Variants in TUT4 observed in about 807,000 individuals in gnomAD.
TUT4 encodes terminal uridylyl transferase 4.
In TUT4, 36 loss-of-function variants were observed where a neutral mutation model predicts 192.2. The ratio of observed to expected loss-of-function variants is 0.19; its 90% CI spans 0.14 to 0.25. The LOEUF (loss-of-function observed/expected upper bound fraction) is 0.25. Among genes scored for constraint, TUT4 ranks in the 10% least tolerant of loss-of-function variants. TUT4 has a pLI of 1.00. For missense variants in TUT4, 1,493 were observed against 1,957.2 expected (o/e 0.76, Z 4.47); for synonymous variants, 618 against 666.0 (o/e 0.93, Z 1.11).
intron 7 of TUT4, among the ~76,000 whole-genome samples, chr1:52,493,235 C>T (rs1671630410): frequency 6.6e-6 from 1 of 152,102 alleles, no homozygotes; most frequent in African/African-American, 2.4e-5. Context: ...AGGTACGTGC[C>T]ACCACGCCTG....
At chr1:52,484,353 G>A (rs941964793) in intron 9 of TUT4, among the ~76,000 whole-genome samples, 3 of 152,146 alleles carry the variant, frequency 2.0e-5, no homozygotes, top group Non-Finnish European at 4.4e-5. Context: ...ATGACTTAAA[G>A]TATGTTAGAG....
chr1:52,488,743 T>C (rs905214885), intron 9 of TUT4, among the ~76,000 whole-genome samples, 166 bp downstream of exon 9: 1 of 152,222 alleles, frequency 6.6e-6, no homozygotes, highest in Non-Finnish European at 1.5e-5. Flanking sequence ...TTTATGTCCA[T>C]AAATTACAAC....
At chr1:52,543,186 A>G (rs929869958) in intron 1 of TUT4, among the ~76,000 whole-genome samples, 1 of 152,242 alleles carries the variant, frequency 6.6e-6, no homozygotes, top group Admixed American at 6.5e-5. Context: ...ATGATTTTAT[A>G]TGTAGAAAAC....
At chr1:52,447,315 G>A (rs1657802060) in intron 20 of TUT4, among the ~76,000 whole-genome samples, 1 of 151,908 alleles carries the variant, frequency 6.6e-6, no homozygotes, top group Non-Finnish European at 1.5e-5. Context: ...TGGGCGTGGT[G>A]GCGTGCACCT....
chr1:52,483,176 T>C (rs1462667473), intron 9 of TUT4, among the ~76,000 whole-genome samples: 1 of 152,182 alleles, frequency 6.6e-6, no homozygotes, highest in African/African-American at 2.4e-5. Context: ...TTGCATGTCC[T>C]TGACCCTAAA....
chr1:52,524,852 A>T (rs761778997), intron 2 of TUT4, among the ~76,000 whole-genome samples: 5 of 150,418 alleles, frequency 3.3e-5, no homozygotes, highest in Non-Finnish European at 7.5e-5. Context: ...GAAAATACTC[A>T]GGATAAAGTC....
At chr1:52,523,830 A>G (rs1171362670) in intron 2 of TUT4, among the ~76,000 whole-genome samples, 2 of 152,162 alleles carry the variant, frequency 1.3e-5, no homozygotes, top group African/African-American at 4.8e-5. Context: ...CTGTCGATAT[A>G]CCATCATCTG....
At chr1:52,487,988 G>GTGAA (rs1670220385) in intron 9 of TUT4, among the ~76,000 whole-genome samples, 1 of 152,140 alleles carries the variant, frequency 6.6e-6, no homozygotes, top group Non-Finnish European at 1.5e-5. Flanking sequence ...AAAAGTAAGA[G>GTGAA]TGAAGCATTC....
At chr1:52,475,842 A>C (rs1006249860) in intron 12 of TUT4, among the ~76,000 whole-genome samples, 1 of 152,056 alleles carries the variant, frequency 6.6e-6, no homozygotes, top group African/African-American at 2.4e-5. Context: ...TTGTGGAAAA[A>C]GGAGTTTTTT....
chr1:52,461,918 T>C, intron 16 of TUT4, 149 bp from the exon 17 acceptor site: 1 of 525,302 alleles, frequency 1.9e-6, no homozygotes, highest in Non-Finnish European at 3.4e-6. Flanking sequence ...TTCATAGACC[T>C]ACAGTATCAG....
At chr1:52,466,704 CTT>C (rs1664315454) in intron 15 of TUT4, among the ~76,000 whole-genome samples, 2 of 146,812 alleles carry the variant, frequency 1.4e-5, no homozygotes, top group Admixed American at 6.8e-5. Flanking sequence ...GAGTTTCGCT[CTT>C]GTCGCCCAGG....
intron 24 of TUT4, among the ~76,000 whole-genome samples, chr1:52,442,167 CAAAA>C (rs58552556): frequency 1.3e-5 from 1 of 76,376 alleles, no homozygotes; most frequent in Non-Finnish European, 2.6e-5. Flanking sequence ...GACTCCACCT[CAAAA>C]AAAAAAAAAA....
At chr1:52,482,744 C>T (rs1307710564) in intron 9 of TUT4, among the ~76,000 whole-genome samples, 1 of 152,130 alleles carries the variant, frequency 6.6e-6, no homozygotes, top group Non-Finnish European at 1.5e-5. Flanking sequence ...CCAACACATT[C>T]TTTTAAATGC....
chr1:52,522,819 G>A (rs939008741), intron 2 of TUT4, among the ~76,000 whole-genome samples: 1 of 151,878 alleles, frequency 6.6e-6, no homozygotes, highest in Non-Finnish European at 1.5e-5. Context: ...CCAGCTACTT[G>A]GGAGGCTGAG....
chr1:52,490,148 G>A (rs1042688179), intron 8 of TUT4, among the ~76,000 whole-genome samples: 1 of 144,362 alleles, frequency 6.9e-6, no homozygotes, highest in Non-Finnish European at 1.5e-5. Context: ...TGAGAAGAGA[G>A]GCTTTTTTTT....
intron 29 of TUT4, chr1:52,424,456 C>G: frequency 6.4e-6 from 1 of 155,632 alleles, no homozygotes; most frequent in Non-Finnish European, 1.4e-5. Context: ...TTTAAGTTAT[C>G]ATTTCATTCA....
intron 1 of TUT4, among the ~76,000 whole-genome samples, chr1:52,550,412 T>G (rs17365166): frequency 0.15 from 22,959 of 152,106 alleles, 2,305 homozygotes; most frequent in Non-Finnish European, 0.23. Flanking sequence ...GTATTTGCAA[T>G]TTATTTGAAA....
At chr1:52,523,511 T>C (rs553063525) in intron 2 of TUT4, among the ~76,000 whole-genome samples, 1 of 152,000 alleles carries the variant, frequency 6.6e-6, no homozygotes, top group Non-Finnish European at 1.5e-5. Context: ...GAGAATTGCT[T>C]GAACGTGGGA....
intron 7 of TUT4, among the ~76,000 whole-genome samples, chr1:52,492,506 T>A (rs1671430326): frequency 6.6e-6 from 1 of 152,198 alleles, no homozygotes; most frequent in Admixed American, 6.5e-5. Context: ...TACAACAACT[T>A]TCTCATCAAA....
Sources: gnomAD v4.1 joint callset for allele counts (sites outside exome capture counted in the v4.1 genomes callset) on GRCh38, gnomAD v4.1.1 for gene constraint, MANE v1.5 for transcripts, NCBI Gene and HGNC (gene_info 2026-07-23, HGNC 2026-07-21) for gene names.